The following WDHD1 variants were observed in gnomAD, a reference collection of about 807,000 sequenced individuals.
WDHD1 encodes the protein WD repeat and HMG-box DNA-binding protein 1.
In WDHD1, 111 loss-of-function variants were observed where a neutral mutation model predicts 135.4. The observed-to-expected ratio is 0.82, with a 90% CI of 0.70 to 0.96. The LOEUF is 0.96. Ranked by LOEUF, WDHD1 falls within the 40% of genes least tolerant of loss-of-function variation. The pLI is 0.00. For missense variants in WDHD1, 1,351 were observed against 1,336.3 expected (o/e 1.01, Z -0.17); for synonymous variants, 434 against 439.0 (o/e 0.99, Z 0.14).
chr14:55,018,568 C>T (rs2042295751), intron 2 of WDHD1, among the ~76,000 whole-genome samples: 1 of 151,968 alleles, frequency 6.6e-6, no homozygotes, highest in Non-Finnish European at 1.5e-5. Context: ...TCCTTAAAAA[C>T]AGTGAAGACC....
In WDHD1 at chr14:54,941,390, T is replaced by C; in HGVS notation, c.*100A>G. ...AAAGACAAACAGTTGCTTCAAACTC[T>C]TTAAAAAATATATATATAATGAGTT... On this transcript the variant is annotated 3_prime_UTR_variant, in exon 26 of 26. Coordinates refer to ENST00000360586, the MANE Select transcript of WDHD1 (RefSeq NM_007086.4). 2 of 1,010,258 alleles carry C rather than the reference T, an allele frequency of 2.0e-6. No homozygotes were observed. Among genetic ancestry groups the C allele is most frequent in the Admixed American group, 6.2e-5 (2 of 32,514 alleles). The allele number at this position is 1,010,258 out of a possible 1,614,324, so 62.6% of individuals were successfully genotyped here. A position where few individuals can be genotyped will look rare whatever the true frequency, so the allele number is the denominator to read the frequency against.
rs534327546 is a variant in WDHD1, at chr14:54,981,527, T to C, written c.2063+13A>G. ...TAAAAAGAGTCAACTTTAGACTTCT[T>C]TTAATAGCCCACCTTAGTTGCTGGG... On this transcript the variant is annotated intron_variant, in intron 16 of 25. Transcript: ENST00000360586. 6.2e-6 allele frequency: 10 copies of C among 1,608,292 alleles called. No individual in the cohort carries two copies. The Admixed American group carries it at 1.7e-4, about 27-fold the overall frequency.
Position 55,013,496 on chromosome 14 carries a change from A to G in WDHD1, c.178T>C (p.Cys60Arg). ...FINVGEKAYS[C>R]ALKSGKLVTA... ...ACTGTTTTTACTACCTTCAAAGCAC[A>G]TGAATATGCCTTTTCTCCAACATTA... The change falls in exon 3 of 26, where the codon TGT becomes CGT. Residue 60 changes from cysteine (C) to arginine (R), a missense_variant. Cys to Arg is a radical substitution (Grantham distance 180, BLOSUM62 -3). Coordinates refer to ENST00000360586, the MANE Select transcript of WDHD1 (RefSeq NM_007086.4). The G allele has an allele frequency of 6.2e-7, 1 of 1,612,746 alleles. No homozygotes were observed. Among genetic ancestry groups the G allele is most frequent in the Non-Finnish European group, 8.5e-7 (1 of 1,178,826 alleles).
chr14:55,005,686 A>G lies in WDHD1; in HGVS notation c.600+1594T>C. On this transcript the variant is annotated intron_variant, in intron 7 of 25. Coordinates refer to ENST00000360586, the MANE Select transcript of WDHD1 (RefSeq NM_007086.4). ...TTTGCAGGACATAGAGGTTCTAGAC[A>G]TTGTGAAAGTTTCCCTTTAAGTTAC... The G allele has an allele frequency of 6.1e-6, 3 of 495,786 alleles. No homozygotes were observed. In the Admixed American group the frequency reaches 8.2e-5, roughly 14 times the overall value. The allele number at this position is 495,786 out of a possible 1,614,324, so 30.7% of individuals were successfully genotyped here. A position where few individuals can be genotyped will look rare whatever the true frequency, so the allele number is the denominator to read the frequency against.
Position 54,962,827 on chromosome 14 carries a change from C to T in WDHD1, c.2558G>A (p.Ser853Asn). ...AACTTGATTTCTGAACCTTGGTTGG[C>T]TCCACTCTGTAGCAGTATTGCTGTA... is the stretch of plus-strand genomic sequence containing the variant. ...AGYSNTATEW[S>N]QPRFRNQVEE... The change falls in exon 20 of 26, where the codon AGC becomes AAC. Residue 853 changes from serine (S) to asparagine (N), a missense_variant. Transcript: ENST00000360586. 6.2e-7 allele frequency: 1 copy of T among 1,612,848 alleles called. No homozygotes were observed. The highest frequency in any genetic ancestry group is 8.5e-7 in the Non-Finnish European group (1 of 1,180,008).
Position 54,967,348 on chromosome 14 carries a change from G to A in WDHD1, c.2110C>T (p.Pro704Ser). 1 of 1,612,442 alleles carries A rather than the reference G, an allele frequency of 6.2e-7. No homozygotes were observed. The highest frequency in any genetic ancestry group is 8.5e-7 in the Non-Finnish European group (1 of 1,178,992). The part of the protein sequence containing the change: ...GSRFPPTLPR[P>S]AVAILSFKLP... ...TTAAAGGATAATATAGCAACAGCAGGGCGTGGAAGGGTTGGGGGAAACCGA... is the reference window on the plus strand; with the variant it reads ...TTAAAGGATAATATAGCAACAGCAGAGCGTGGAAGGGTTGGGGGAAACCGA... The change falls in exon 17 of 26, where the codon CCT (proline) becomes TCT (serine). Residue 704 changes from proline to serine, a missense_variant. Pro to Ser is a moderately conservative substitution (Grantham distance 74). This residue lies in a region of WDHD1 where 1,330 missense variants were observed against 1,296.1 expected (regional missense o/e 1.03). Transcript: ENST00000360586.
intron 2 of WDHD1, among the ~76,000 whole-genome samples, chr14:55,021,615 A>T (rs1339757136): frequency 6.6e-6 from 1 of 152,104 alleles, no homozygotes; most frequent in Non-Finnish European, 1.5e-5. Context: ...CAAACTCCTG[A>T]CCTCAAGTGA....
intron 21 of WDHD1, among the ~76,000 whole-genome samples, chr14:54,959,791 C>T (rs947352636): frequency 6.6e-5 from 10 of 151,808 alleles, no homozygotes; most frequent in Admixed American, 2.6e-4. Flanking sequence ...CGCACCCCCC[C>T]CACCAAACAA....
At position 55,007,386 on chromosome 14, in the gene WDHD1, A is replaced by AAAAAAG. The variant is rs753734370; in HGVS notation, c.505-17_505-12dup. 2 of 1,559,296 alleles carry AAAAAAG rather than the reference A, an allele frequency of 1.3e-6. No homozygotes were observed. The highest frequency in any genetic ancestry group is 1.7e-6 in the Non-Finnish European group (2 of 1,153,872). ...ACTAATAGCACATGTCTAATTGGTAAAAAAAGAAAATTTCTTTCCTTTATG... is the reference window on the plus strand; with the variant it reads ...ACTAATAGCACATGTCTAATTGGTAAAAAAAGAAAAAGAAAATTTCTTTCCTTTATG... On this transcript the variant is annotated splice_polypyrimidine_tract_variant and intron_variant, in intron 6 of 25. Coordinates refer to ENST00000360586, the MANE Select transcript of WDHD1 (RefSeq NM_007086.4).
chr14:54,989,896 T>A (rs745969498), intron 12 of WDHD1, among the ~76,000 whole-genome samples: 17 of 152,206 alleles, frequency 1.1e-4, no homozygotes, highest in Non-Finnish European at 1.8e-4. Context: ...ACTCCTATCC[T>A]CAAGTGACCA....
At chr14:55,008,210 A>G in intron 6 of WDHD1, 106 bp downstream of exon 6, 1 of 1,143,212 alleles carries the variant, frequency 8.7e-7, no homozygotes, top group South Asian at 1.6e-5. Context: ...TACCAAAGAA[A>G]CAAATTCCAA....
chr14:54,946,239 C>T (rs1246172306), intron 24 of WDHD1, among the ~76,000 whole-genome samples: 1 of 152,164 alleles, frequency 6.6e-6, no homozygotes, highest in Non-Finnish European at 1.5e-5. Flanking sequence ...TTTAAAGAGA[C>T]GTGAGTCTCA....
intron 7 of WDHD1, 143 bp downstream of exon 7, chr14:55,007,135 GGA>G: frequency 3.4e-6 from 2 of 592,054 alleles, no homozygotes; most frequent in Non-Finnish European, 5.7e-6. Context: ...GGCTGAGGCA[GGA>G]GAATTGCTAG....
chr14:54,978,628 A>C (rs2041565981), intron 16 of WDHD1, among the ~76,000 whole-genome samples: 1 of 152,166 alleles, frequency 6.6e-6, no homozygotes, highest in African/African-American at 2.4e-5. Flanking sequence ...TCTGATACTA[A>C]ATATGTCAAT....
chr14:54,962,577 A>G, intron 20 of WDHD1, 26 bp from the exon 21 acceptor site: 1 of 1,584,148 alleles, frequency 6.3e-7, no homozygotes. Context: ...AAGCAATATA[A>G]TGTAAATGGG....
rs1382035438 is a variant in WDHD1 at position 55,010,455 on chromosome 14, TC to T, written c.194del (p.Gly65GlufsTer26). 1 of 1,569,088 alleles carries T rather than the reference TC, an allele frequency of 6.4e-7. No individual in the cohort carries two copies. Among genetic ancestry groups the T allele is most frequent in the Non-Finnish European group, 8.6e-7 (1 of 1,160,778 alleles). On this transcript the variant is annotated frameshift_variant, in exon 4 of 26. Transcript: ENST00000360586. LOFTEE classifies it high-confidence loss of function. ...EKAYSCALKS[G>X]KLVTAVSNNT... is the part of the protein sequence containing the mutation. The stretch of plus-strand genomic sequence containing the variant: ...TATTAGAAACTGCAGTGACCAGTTT[TC>T]CACTCTAAAAGAAAAATTAAGGTAA...
At chr14:55,020,848 T>C (rs530282869) in intron 2 of WDHD1, among the ~76,000 whole-genome samples, 24 of 152,330 alleles carry the variant, frequency 1.6e-4, no homozygotes, top group African/African-American at 5.1e-4. Flanking sequence ...TATTATATAC[T>C]GTATCTGTAC....
At chr14:54,992,133 C>G (rs2041803035) in intron 11 of WDHD1, among the ~76,000 whole-genome samples, 1 of 151,868 alleles carries the variant, frequency 6.6e-6, no homozygotes, top group Non-Finnish European at 1.5e-5. Context: ...TGGCACATGC[C>G]TGTAATCCCA....
At chr14:54,953,965 C>G (rs938576853) in intron 24 of WDHD1, among the ~76,000 whole-genome samples, 2 of 151,952 alleles carry the variant, frequency 1.3e-5, no homozygotes, top group Admixed American at 1.3e-4. Flanking sequence ...CACACTTGGG[C>G]CTGTTGTGGG....
Sources: allele counts gnomAD v4.1 joint callset (sites outside exome capture counted in the v4.1 genomes callset), GRCh38; gene constraint gnomAD v4.1.1; regional missense constraint gnomAD v4.1.1; transcripts MANE v1.5; gene names NCBI Gene and HGNC (gene_info 2026-07-23, HGNC 2026-07-21).